The following EML1 variants were observed in gnomAD, a reference collection of about 807,000 sequenced individuals.
EML1 encodes echinoderm microtubule-associated protein-like 1.
In EML1, 27 loss-of-function variants were observed where a neutral mutation model predicts 110.4. That is an observed-to-expected ratio of 0.24 (90% CI 0.18 to 0.34). The LOEUF is 0.34. EML1 is among the 10% of genes least tolerant of loss of function. The pLI, the probability that EML1 is intolerant of heterozygous loss-of-function variation, is 1.00. For synonymous variants in EML1, 344 were observed against 385.8 expected (o/e 0.89, Z 1.27); for missense variants, 741 against 1,030.9 (o/e 0.72, Z 3.85).
At chr14:99,785,348 C>T (rs1260936720) in intron 1 of EML1, among the ~76,000 whole-genome samples, 2 of 152,222 alleles carry the variant, frequency 1.3e-5, no homozygotes, top group African/African-American at 4.8e-5. Flanking sequence ...AGCCACCGCG[C>T]CCAGCCTCCT....
At chr14:99,900,843 C>A in intron 8 of EML1, 86 bp from the exon 9 acceptor site, 1 of 1,146,530 alleles carries the variant, frequency 8.7e-7, no homozygotes, top group Non-Finnish European at 1.3e-6. Context: ...GTCCGAGTTA[C>A]TGCCCAAGTA....
upstream of EML1, among the ~76,000 whole-genome samples, chr14:99,768,543 G>C (rs2057390588): frequency 6.6e-6 from 1 of 152,282 alleles, no homozygotes; most frequent in African/African-American, 2.4e-5. Context: ...AAAGGGAGGA[G>C]GTGGGGGTAA....
intron 1 of EML1, among the ~76,000 whole-genome samples, chr14:99,780,303 C>T (rs1214163505): frequency 6.6e-6 from 1 of 152,076 alleles, no homozygotes; most frequent in Non-Finnish European, 1.5e-5. Context: ...TAAGCAGACC[C>T]TCTTTTGCCC....
chr14:99,871,664 G>A (rs1470983749), intron 3 of EML1, among the ~76,000 whole-genome samples: 3 of 152,152 alleles, frequency 2.0e-5, no homozygotes, highest in East Asian at 1.9e-4. Context: ...CTGCAAATGT[G>A]GTAGAAATAG....
At chr14:99,920,427 C>T (rs906630280) in intron 16 of EML1, among the ~76,000 whole-genome samples, 4 of 152,200 alleles carry the variant, frequency 2.6e-5, no homozygotes, top group Admixed American at 2.6e-4. Flanking sequence ...TGGGTGAGCT[C>T]TTGCAGGTGG....
intron 3 of EML1, among the ~76,000 whole-genome samples, chr14:99,871,231 A>G (rs961459555): frequency 6.6e-6 from 1 of 151,566 alleles, no homozygotes; most frequent in Non-Finnish European, 1.5e-5. Flanking sequence ...TGCTGGGATT[A>G]CAGGCGTGAG....
In EML1 at chr14:99,901,059, A is replaced by C. The variant is rs2059755115; in HGVS notation, c.1008+20A>C. 1.3e-6 allele frequency: 2 copies of C among 1,595,606 alleles called. No individual in the cohort carries two copies. Among genetic ancestry groups the C allele is most frequent in the Admixed American group, 3.3e-5 (2 of 59,960 alleles). On this transcript the variant is annotated intron_variant, in intron 9 of 21. Coordinates refer to ENST00000262233, the MANE Select transcript of EML1 (RefSeq NM_004434.3). ...AAATCTGTAAGTATGTGCCCTGTGG[A>C]TATTGCTGTCTTCTTCCACAGGAAG...
intron 4 of EML1, among the ~76,000 whole-genome samples, chr14:99,887,661 T>C (rs916960259): frequency 1.3e-5 from 2 of 152,120 alleles, no homozygotes; most frequent in Non-Finnish European, 2.9e-5. Flanking sequence ...ACGTAACACC[T>C]TGAGAAGCGA....
chr14:99,926,435 C>T (rs1015153193), intron 17 of EML1, among the ~76,000 whole-genome samples: 3 of 152,040 alleles, frequency 2.0e-5, no homozygotes, highest in African/African-American at 7.2e-5. Context: ...CAGGCTTACG[C>T]CACCACACCT....
At chr14:99,745,490 G>T (rs956857068) in intron 1 of EML1, among the ~76,000 whole-genome samples, 2 of 152,232 alleles carry the variant, frequency 1.3e-5, no homozygotes, top group African/African-American at 4.8e-5. Context: ...ATCACACATT[G>T]CTTTGTATGA....
At chr14:99,860,128 C>T (rs1400580913) in intron 2 of EML1, among the ~76,000 whole-genome samples, 3 of 152,158 alleles carry the variant, frequency 2.0e-5, no homozygotes, top group Non-Finnish European at 4.4e-5. Flanking sequence ...CTCTTACCCC[C>T]AGAGACAGGA....
chr14:99,939,166 T>C lies in EML1; in HGVS notation c.2192-31T>C. 1 of 1,612,078 alleles carries C rather than the reference T, an allele frequency of 6.2e-7. No homozygotes were observed. Among genetic ancestry groups the C allele is most frequent in the South Asian group, 1.1e-5 (1 of 90,858 alleles). On this transcript the variant is annotated intron_variant, in intron 20 of 21. Coordinates refer to ENST00000262233, the MANE Select transcript of EML1 (RefSeq NM_004434.3). The surrounding 1 kb of genome is among the most constrained non-coding windows in gnomAD (Gnocchi z 4.2). ...ATGTGGCCCTGTGGCCCCTGGTGTTTCCAGCGCCCTGTTTGTGGTCTTTGT... is the reference window on the plus strand; with the variant it reads ...ATGTGGCCCTGTGGCCCCTGGTGTTCCCAGCGCCCTGTTTGTGGTCTTTGT...
chr14:99,755,373 C>G (rs965797054), intron 1 of EML1, among the ~76,000 whole-genome samples: 12 of 152,210 alleles, frequency 7.9e-5, no homozygotes, highest in Non-Finnish European at 1.6e-4. Flanking sequence ...GTGTCAGCGT[C>G]ACTTTGAAGC....
intron 2 of EML1, among the ~76,000 whole-genome samples, chr14:99,853,393 G>T (rs1595381949): frequency 1.3e-5 from 2 of 151,268 alleles, no homozygotes; most frequent in East Asian, 3.9e-4. Flanking sequence ...GCATGCCCAC[G>T]GGAGGGGTGT....
intron 10 of EML1, among the ~76,000 whole-genome samples, chr14:99,908,900 G>A (rs766982929): frequency 1.3e-5 from 2 of 152,172 alleles, no homozygotes; most frequent in Non-Finnish European, 2.9e-5. Flanking sequence ...CCAGATAGGG[G>A]GTGAGGCCTA....
At chr14:99,889,533 C>T (rs373844139) in intron 4 of EML1, among the ~76,000 whole-genome samples, 39 of 152,136 alleles carry the variant, frequency 2.6e-4, no homozygotes, top group African/African-American at 7.0e-4. Flanking sequence ...GCAGGAGGGG[C>T]GGGGGCTGTG....
Position 99,905,460 on chromosome 14 carries a change from G to A in EML1, c.1009-2178G>A, listed in dbSNP as rs1031948139. Reference sequence around the variant, plus strand: ...CATTCCCTGTGGCAGGGCGGGGAAGGTGAAGAGCTCAGGGAGGCCAGAGAA... The same window carrying A: ...CATTCCCTGTGGCAGGGCGGGGAAGATGAAGAGCTCAGGGAGGCCAGAGAA... On this transcript the variant is annotated intron_variant, in intron 9 of 21. Coordinates refer to ENST00000262233, the MANE Select transcript of EML1 (RefSeq NM_004434.3). The surrounding 1 kb of genome is among the most constrained non-coding windows in gnomAD (Gnocchi z 4.1). 2.0e-5 allele frequency among the ~76,000 whole-genome samples: 3 copies of A among 152,318 alleles called. No individual in the cohort carries two copies. In the East Asian group the frequency reaches 5.8e-4, roughly 29 times the overall value.
rs367847568 is a variant in EML1 at position 99,936,133 on chromosome 14, G to A, written c.2007+7G>A. ...GCGAGTGGGCAAGTGCTCGGTAAGC[G>A]CTGACAGTGGACCTGTCGCTTCTCA... On this transcript the variant is annotated splice_region_variant and intron_variant, in intron 18 of 21. Transcript: ENST00000262233. The surrounding 1 kb of genome is among the most constrained non-coding windows in gnomAD (Gnocchi z 5.5). 1.6e-5 allele frequency: 26 copies of A among 1,613,952 alleles called. No homozygotes were observed. In the East Asian group the frequency reaches 4.5e-4, roughly 28 times the overall value.
intron 1 of EML1, 149 bp downstream of exon 1, chr14:99,793,692 T>G: frequency 2.2e-6 from 1 of 456,082 alleles, no homozygotes; most frequent in Non-Finnish European, 2.9e-6. Context: ...GCGGTCCCCG[T>G]TCCCGCCGCC....
Sources: gnomAD v4.1 joint callset for allele counts (sites outside exome capture counted in the v4.1 genomes callset) on GRCh38, gnomAD v4.1.1 for gene constraint, Gnocchi (gnomAD v3.1) non-coding constraint, MANE v1.5 for transcripts, NCBI Gene and HGNC (gene_info 2026-07-23, HGNC 2026-07-21) for gene names.